Variants in C11orf96 observed in about 807,000 individuals in gnomAD.
C11orf96 encodes the protein chromosome 11 open reading frame 96.
C11orf96 carries 6 observed loss-of-function variants against 7.6 expected under a neutral mutation model. That is an observed-to-expected ratio of 0.79 (90% CI 0.43 to 1.55). The LOEUF (loss-of-function observed/expected upper bound fraction) is 1.55. C11orf96 is among the 40% of genes most tolerant of loss of function. The pLI is 0.01. For synonymous variants in C11orf96, 72 were observed against 79.0 expected (o/e 0.91, Z 0.47); for missense variants, 150 against 167.3 (o/e 0.90, Z 0.57).
chr11:43,943,721 G>T lies in C11orf96; in HGVS notation c.*448G>T. The stretch of plus-strand genomic sequence containing the variant: ...ACTTTTATAATTGTTAGGCGTGGCC[G>T]TTGGGACTTTGGGCGCAGCGCGGCT... On this transcript the variant is annotated 3_prime_UTR_variant, in exon 1 of 1. Transcript: ENST00000617612. The surrounding 1 kb of genome is among the most constrained non-coding windows in gnomAD (Gnocchi z 4.8). The T allele has an allele frequency of 7.7e-7, 1 of 1,304,432 alleles. No homozygotes were observed. Among genetic ancestry groups the T allele is most frequent in the Non-Finnish European group, 1.0e-6 (1 of 989,050 alleles). The allele number at this position is 1,304,432 out of a possible 1,614,324, so 80.8% of individuals were successfully genotyped here. A position where few individuals can be genotyped will look rare whatever the true frequency, so the allele number is the denominator to read the frequency against.
chr11:43,943,074 C>A lies in C11orf96; in HGVS notation c.170C>A (p.Pro57Gln). 1 of 1,503,436 alleles carries A rather than the reference C, an allele frequency of 6.7e-7. No individual in the cohort carries two copies. The allele number at this position is 1,503,436 out of a possible 1,614,324, so 93.1% of individuals were successfully genotyped here. The change falls in exon 1 of 1, where the codon CCG (proline) becomes CAG (glutamine). Residue 57 changes from proline (P) to glutamine (Q), a missense_variant. Physicochemically the swap from Pro to Gln is moderately conservative, Grantham distance 76. Around this residue, in one of 3 missense-constraint regions of C11orf96, gnomAD observed 4 missense variants for 17.8 expected, o/e 0.23. Coordinates refer to ENST00000617612, the MANE Select transcript of C11orf96 (RefSeq NM_001145033.2). This position sits in a 1 kb window ranked among gnomAD's most constrained non-coding sequence, Gnocchi z 4.8. ...CGCCAGTCTCGCTTCAAGACGCAGCCGGTGACCTTCGACGAGATCCAGGAG... is the reference window on the plus strand; with the variant it reads ...CGCCAGTCTCGCTTCAAGACGCAGCAGGTGACCTTCGACGAGATCCAGGAG... ...RPRQSRFKTQ[P>Q]VTFDEIQEVE...
In C11orf96 at chr11:43,942,657, GC is replaced by G; in HGVS notation, c.-247del. On this transcript the variant is annotated 5_prime_UTR_variant, in exon 1 of 1. Transcript: ENST00000617612. ...GGGGCAGACGGCGACAGCAGCGGCG[GC>G]GAGCGCCTCGGAGCGCGGCGGAACA... The G allele has an allele frequency of 4.1e-6, 1 of 246,388 alleles. No individual in the cohort carries two copies. The highest frequency in any genetic ancestry group is 8.1e-6 in the Non-Finnish European group (1 of 123,626). The allele number at this position is 246,388 out of a possible 1,614,324, so 15.3% of individuals were successfully genotyped here.
rs1278777410 is a variant in C11orf96, at chr11:43,942,980, G to T, written c.76G>T (p.Ala26Ser). 1.3e-6 allele frequency: 2 copies of T among 1,502,870 alleles called. No individual in the cohort carries two copies. Among genetic ancestry groups the T allele is most frequent in the African/African-American group, 2.9e-5 (2 of 69,198 alleles). 93.1% of individuals were successfully genotyped at this position (1,502,870 alleles called of 1,614,324 possible). ...GGTGATGCCGCACTTCGTGTGCCTGGCCGACGAGTTCCCGCAGCCCGTGCG... is the reference window on the plus strand; with the variant it reads ...GGTGATGCCGCACTTCGTGTGCCTGTCCGACGAGTTCCCGCAGCCCGTGCG... ...QAVMPHFVCL[A>S]DEFPQPVRPA... Residue 26 changes from alanine to serine, a missense_variant, in exon 1 of 1, where the codon GCC becomes TCC. This residue lies in a region of C11orf96 where 77 missense variants were observed against 80.5 expected (regional missense o/e 0.96). Coordinates refer to ENST00000617612, the MANE Select transcript of C11orf96 (RefSeq NM_001145033.2).
In C11orf96 at chr11:43,943,413, G is replaced by C. The variant is rs572237123; in HGVS notation, c.*140G>C. ...CCGCTCCTCGCGCGCTCGGACTCCC[G>C]CCCCGCTGCGAACCGGTCGGTGCGC... On this transcript the variant is annotated 3_prime_UTR_variant, in exon 1 of 1. Transcript: ENST00000617612. The surrounding 1 kb of genome is among the most constrained non-coding windows in gnomAD (Gnocchi z 4.8). The C allele has an allele frequency of 3.5e-6, 5 of 1,436,268 alleles. No homozygotes were observed. In the East Asian group the frequency reaches 1.3e-4, roughly 37 times the overall value. The allele number at this position is 1,436,268 out of a possible 1,614,324, so 89.0% of individuals were successfully genotyped here.
Position 43,943,239 on chromosome 11 carries a change from G to T in C11orf96, c.335G>T (p.Ser112Ile). Residue 112 changes from serine to isoleucine, a missense_variant, in exon 1 of 1, where the codon AGC becomes ATC. By Grantham distance (142) the Ser-to-Ile change is moderately radical. Coordinates refer to ENST00000617612, the MANE Select transcript of C11orf96 (RefSeq NM_001145033.2). The surrounding 1 kb of genome is among the most constrained non-coding windows in gnomAD (Gnocchi z 4.8). Reference sequence around the variant, plus strand: ...CTCAGCAGCTGCAAACTGAGGAACAGCCTGGACTCCAGCGACTCCGACTCG... The same window carrying T: ...CTCAGCAGCTGCAAACTGAGGAACATCCTGGACTCCAGCGACTCCGACTCG... ...EQLSSCKLRNSLDSSDSDSAL is the reference protein window; with the variant it reads ...EQLSSCKLRNILDSSDSDSAL 6.6e-7 allele frequency: 1 copy of T among 1,524,706 alleles called. No individual in the cohort carries two copies. Among genetic ancestry groups the T allele is most frequent in the Non-Finnish European group, 8.8e-7 (1 of 1,136,534 alleles). 94.4% of individuals were successfully genotyped at this position (1,524,706 alleles called of 1,614,324 possible).
Position 43,943,727 on chromosome 11 carries a change from A to C in C11orf96, c.*454A>C, listed in dbSNP as rs1178247475. 5.4e-6 allele frequency: 7 copies of C among 1,304,368 alleles called. No individual in the cohort carries two copies. The highest frequency in any genetic ancestry group is 7.1e-6 in the Non-Finnish European group (7 of 989,044). The allele number at this position is 1,304,368 out of a possible 1,614,324, so 80.8% of individuals were successfully genotyped here. A position where few individuals can be genotyped will look rare whatever the true frequency, so the allele number is the denominator to read the frequency against. On this transcript the variant is annotated 3_prime_UTR_variant, in exon 1 of 1. Coordinates refer to ENST00000617612, the MANE Select transcript of C11orf96 (RefSeq NM_001145033.2). The surrounding 1 kb of genome is among the most constrained non-coding windows in gnomAD (Gnocchi z 4.8). Reference sequence around the variant, plus strand: ...ATAATTGTTAGGCGTGGCCGTTGGGACTTTGGGCGCAGCGCGGCTGCTACT... The same window carrying C: ...ATAATTGTTAGGCGTGGCCGTTGGGCCTTTGGGCGCAGCGCGGCTGCTACT...
Position 43,943,591 on chromosome 11 carries a change from A to ATG in C11orf96, c.*318_*319insTG. ...CGCGCTGAGTCGGCGGCGGGTAGCC[A>ATG]CTCCATGCCCTTGTCCGATGGTTTG... On this transcript the variant is annotated 3_prime_UTR_variant, in exon 1 of 1. Transcript: ENST00000617612. The surrounding 1 kb of genome is among the most constrained non-coding windows in gnomAD (Gnocchi z 4.8). 1 of 1,309,924 alleles carries ATG rather than the reference A, an allele frequency of 7.6e-7. No homozygotes were observed. 81.1% of individuals were successfully genotyped at this position (1,309,924 alleles called of 1,614,324 possible). A position where few individuals can be genotyped will look rare whatever the true frequency, so the allele number is the denominator to read the frequency against.
At position 43,943,114 on chromosome 11, in the gene C11orf96, G is replaced by C; in HGVS notation, c.210G>C (p.Gly70=). Residue 70 remains glycine, a synonymous_variant, in exon 1 of 1, where the codon GGG becomes GGC. Transcript: ENST00000617612. This position sits in a 1 kb window ranked among gnomAD's most constrained non-coding sequence, Gnocchi z 4.8. ...FDEIQEVEEE[G]VSPMEEEKAK... is the part of the protein sequence containing the mutation. ...AGATCCAGGAGGTGGAGGAGGAGGG[G>C]GTGTCCCCCATGGAGGAGGAGAAGG... 1 of 1,499,094 alleles carries C rather than the reference G, an allele frequency of 6.7e-7. No individual in the cohort carries two copies. Among genetic ancestry groups the C allele is most frequent in the South Asian group, 1.3e-5 (1 of 78,088 alleles). The allele number at this position is 1,499,094 out of a possible 1,614,324, so 92.9% of individuals were successfully genotyped here.
chr11:43,943,029 G>C lies in C11orf96; in HGVS notation c.125G>C (p.Arg42Pro), dbSNP rs1329784005. 1.3e-6 allele frequency: 2 copies of C among 1,505,474 alleles called. No individual in the cohort carries two copies. Among genetic ancestry groups the C allele is most frequent in the Middle Eastern group, 1.7e-4 (1 of 5,788 alleles). 93.3% of individuals were successfully genotyped at this position (1,505,474 alleles called of 1,614,324 possible). A position where few individuals can be genotyped will look rare whatever the true frequency, so the allele number is the denominator to read the frequency against. ...PVRPAKLPKGRGRLRRPRQSR... is the reference protein window; with the variant it reads ...PVRPAKLPKGPGRLRRPRQSR... ...CGGCCCGCCAAGCTGCCCAAGGGCC[G>C]GGGCCGGCTGCGGCGGCCGCGCCAG... The change falls in exon 1 of 1, where the codon CGG becomes CCG. Residue 42 changes from arginine to proline, a missense_variant. Coordinates refer to ENST00000617612, the MANE Select transcript of C11orf96 (RefSeq NM_001145033.2). The surrounding 1 kb of genome is among the most constrained non-coding windows in gnomAD (Gnocchi z 4.8).
chr11:43,942,794 C>G lies in C11orf96; in HGVS notation c.-111C>G. 1.5e-6 allele frequency: 1 copy of G among 687,168 alleles called. No individual in the cohort carries two copies. Among genetic ancestry groups the G allele is most frequent in the Non-Finnish European group, 1.8e-6 (1 of 555,194 alleles). The allele number at this position is 687,168 out of a possible 1,614,324, so 42.6% of individuals were successfully genotyped here. ...CCGCCACCCCGCAGCAGATTTGGAT[C>G]CCCCGCCCGGCGAGCCCCCGGCTGC... On this transcript the variant is annotated 5_prime_UTR_variant, in exon 1 of 1. In the 5' UTR this introduces an upstream ATG that the reference lacks. Coordinates refer to ENST00000617612, the MANE Select transcript of C11orf96 (RefSeq NM_001145033.2).
chr11:43,943,862 G>A lies in C11orf96; in HGVS notation c.*589G>A. 14 of 1,271,200 alleles carry A rather than the reference G, an allele frequency of 1.1e-5. No homozygotes were observed. The highest frequency in any genetic ancestry group is 1.3e-5 in the Non-Finnish European group (13 of 973,418). 78.7% of individuals were successfully genotyped at this position (1,271,200 alleles called of 1,614,324 possible). On this transcript the variant is annotated 3_prime_UTR_variant, in exon 1 of 1. Transcript: ENST00000617612. This position sits in a 1 kb window ranked among gnomAD's most constrained non-coding sequence, Gnocchi z 4.8. Reference sequence around the variant, plus strand: ...AGGCTCCTGAAAGGAGACAAATAAAGTCAATATATTTGCACAGTGCAGTTT... The same window carrying A: ...AGGCTCCTGAAAGGAGACAAATAAAATCAATATATTTGCACAGTGCAGTTT...
In C11orf96 at chr11:43,943,114, G is replaced by A. The variant is rs779585892; in HGVS notation, c.210G>A (p.Gly70=). 4.7e-6 allele frequency: 7 copies of A among 1,499,094 alleles called. No homozygotes were observed. In the South Asian group the frequency reaches 6.4e-5, roughly 14 times the overall value. 92.9% of individuals were successfully genotyped at this position (1,499,094 alleles called of 1,614,324 possible). The part of the protein sequence containing the change: ...FDEIQEVEEE[G]VSPMEEEKAK... ...AGATCCAGGAGGTGGAGGAGGAGGG[G>A]GTGTCCCCCATGGAGGAGGAGAAGG... The change falls in exon 1 of 1, where the codon GGG becomes GGA. Residue 70 remains glycine, a synonymous_variant. Coordinates refer to ENST00000617612, the MANE Select transcript of C11orf96 (RefSeq NM_001145033.2). The surrounding 1 kb of genome is among the most constrained non-coding windows in gnomAD (Gnocchi z 4.8).
In C11orf96 at chr11:43,942,737, C is replaced by T. The variant is rs1209343066; in HGVS notation, c.-168C>T. The stretch of plus-strand genomic sequence containing the variant: ...GGGTCCGCCCGCCCGCCCGCCCTCC[C>T]GAGGAGCGCCGGCCCGGGCCCGCGA... On this transcript the variant is annotated 5_prime_UTR_variant, in exon 1 of 1. Transcript: ENST00000617612. 1 of 164,066 alleles carries T rather than the reference C, an allele frequency of 6.1e-6. No individual in the cohort carries two copies. The highest frequency in any genetic ancestry group is 1.2e-5 in the Non-Finnish European group (1 of 81,432). 10.2% of individuals were successfully genotyped at this position (164,066 alleles called of 1,614,324 possible). A position where few individuals can be genotyped will look rare whatever the true frequency, so the allele number is the denominator to read the frequency against.
chr11:43,943,716 T>A lies in C11orf96; in HGVS notation c.*443T>A. On this transcript the variant is annotated 3_prime_UTR_variant, in exon 1 of 1. Transcript: ENST00000617612. The surrounding 1 kb of genome is among the most constrained non-coding windows in gnomAD (Gnocchi z 4.8). ...TGAACACTTTTATAATTGTTAGGCG[T>A]GGCCGTTGGGACTTTGGGCGCAGCG... 7.7e-7 allele frequency: 1 copy of A among 1,304,376 alleles called. No individual in the cohort carries two copies. The highest frequency in any genetic ancestry group is 1.0e-6 in the Non-Finnish European group (1 of 989,040). 80.8% of individuals were successfully genotyped at this position (1,304,376 alleles called of 1,614,324 possible).
rs1324876284 is a variant in C11orf96, at chr11:43,942,831, G to GGGCCCCGGCGCAGCGGCC, written c.-72_-55dup. ...GAGCCCCCGGCTGCTGCCTCCCGGG[G>GGGCCCCGGCGCAGCGGCC]GGCCCCGGCGCAGCGGCCGCCCTCG... On this transcript the variant is annotated 5_prime_UTR_variant, in exon 1 of 1. Coordinates refer to ENST00000617612, the MANE Select transcript of C11orf96 (RefSeq NM_001145033.2). 1.8e-6 allele frequency: 2 copies of GGGCCCCGGCGCAGCGGCC among 1,111,432 alleles called. No individual in the cohort carries two copies. The highest frequency in any genetic ancestry group is 3.3e-5 in the African/African-American group (2 of 60,296). The allele number at this position is 1,111,432 out of a possible 1,614,324, so 68.8% of individuals were successfully genotyped here. A position where few individuals can be genotyped will look rare whatever the true frequency, so the allele number is the denominator to read the frequency against.
rs759075496 is a variant in C11orf96, at chr11:43,942,891, A to T, written c.-14A>T. ...GGCGCCCCGCCGCCCGGCCCCGCAG[A>T]CGCCGGAGGCGCCATGGCCGCCAAG... On this transcript the variant is annotated 5_prime_UTR_variant, in exon 1 of 1. Transcript: ENST00000617612. 461 of 1,328,614 alleles carry T rather than the reference A, an allele frequency of 3.5e-4. No individual in the cohort carries two copies. Among genetic ancestry groups the T allele is most frequent in the Non-Finnish European group, 4.0e-4 (419 of 1,039,498 alleles). The allele number at this position is 1,328,614 out of a possible 1,614,324, so 82.3% of individuals were successfully genotyped here.
Position 43,943,285 on chromosome 11 carries a change from C to T in C11orf96, c.*12C>T, listed in dbSNP as rs1488014110. On this transcript the variant is annotated 3_prime_UTR_variant, in exon 1 of 1. Transcript: ENST00000617612. This position sits in a 1 kb window ranked among gnomAD's most constrained non-coding sequence, Gnocchi z 4.8. ...ACTCGGCCCTGTAAGGGGCGCCGCC[C>T]GCGGGGGGGACGCGCGCGTCCGCGG... 4.7e-6 allele frequency: 7 copies of T among 1,479,240 alleles called. No homozygotes were observed. The highest frequency in any genetic ancestry group is 1.9e-4 in the Middle Eastern group (1 of 5,188). 91.6% of individuals were successfully genotyped at this position (1,479,240 alleles called of 1,614,324 possible). A position where few individuals can be genotyped will look rare whatever the true frequency, so the allele number is the denominator to read the frequency against.
At position 43,943,583 on chromosome 11, in the gene C11orf96, G is replaced by T. The variant is rs1289051471; in HGVS notation, c.*310G>T. On this transcript the variant is annotated 3_prime_UTR_variant, in exon 1 of 1. Coordinates refer to ENST00000617612, the MANE Select transcript of C11orf96 (RefSeq NM_001145033.2). The surrounding 1 kb of genome is among the most constrained non-coding windows in gnomAD (Gnocchi z 4.8). ...GGCGCGCCCGCGCTGAGTCGGCGGC[G>T]GGTAGCCACTCCATGCCCTTGTCCG... The T allele has an allele frequency of 3.8e-6, 5 of 1,311,632 alleles. No homozygotes were observed. Among genetic ancestry groups the T allele is most frequent in the Non-Finnish European group, 5.0e-6 (5 of 994,032 alleles). The allele number at this position is 1,311,632 out of a possible 1,614,324, so 81.2% of individuals were successfully genotyped here. A position where few individuals can be genotyped will look rare whatever the true frequency, so the allele number is the denominator to read the frequency against.
rs1303668153 is a variant in C11orf96 at position 43,943,412 on chromosome 11, C to G, written c.*139C>G. 18 of 1,434,046 alleles carry G rather than the reference C, an allele frequency of 1.3e-5. No homozygotes were observed. In the East Asian group the frequency reaches 5.5e-4, roughly 43 times the overall value. The allele number at this position is 1,434,046 out of a possible 1,614,324, so 88.8% of individuals were successfully genotyped here. On this transcript the variant is annotated 3_prime_UTR_variant, in exon 1 of 1. Coordinates refer to ENST00000617612, the MANE Select transcript of C11orf96 (RefSeq NM_001145033.2). This position sits in a 1 kb window ranked among gnomAD's most constrained non-coding sequence, Gnocchi z 4.8. ...GCCGCTCCTCGCGCGCTCGGACTCC[C>G]GCCCCGCTGCGAACCGGTCGGTGCG...
Sources: allele counts gnomAD v4.1 joint callset, GRCh38; gene constraint gnomAD v4.1.1; regional missense constraint gnomAD v4.1.1; non-coding constraint Gnocchi (gnomAD v3.1); transcripts MANE v1.5; gene names NCBI Gene and HGNC (gene_info 2026-07-23, HGNC 2026-07-21).